Variants in AGAP5 observed in about 807,000 individuals in gnomAD.
The protein encoded by AGAP5 is arf-GAP with GTPase, ANK repeat and PH domain-containing protein 5.
In AGAP5, 8 loss-of-function variants were observed where a neutral mutation model predicts 27.7. The observed-to-expected ratio is 0.29, with a 90% CI of 0.17 to 0.52. AGAP5 has a LOEUF of 0.52. Among genes scored for constraint, AGAP5 ranks in the 20% least tolerant of loss-of-function variants. AGAP5 has a pLI of 0.97. For synonymous variants in AGAP5, 111 were observed against 338.0 expected (o/e 0.33, Z 7.37); for missense variants, 285 against 880.8 (o/e 0.32, Z 8.56).
At chr10:73,696,254 G>C (rs1189269227) in intron 2 of AGAP5, among the ~76,000 whole-genome samples, 4 of 152,112 alleles carry the variant, frequency 2.6e-5, no homozygotes, top group Non-Finnish European at 5.9e-5. Context: ...CTGACCTCAG[G>C]TGATCTGCCT....
intron 4 of AGAP5, among the ~76,000 whole-genome samples, chr10:73,686,490 G>T (rs1238492369): frequency 6.6e-6 from 1 of 152,182 alleles, no homozygotes; most frequent in Admixed American, 6.5e-5. Flanking sequence ...CTAGACACTG[G>T]CTTAGGCAAA....
chr10:73,686,369 C>A (rs1412885407), intron 4 of AGAP5, among the ~76,000 whole-genome samples: 1 of 152,186 alleles, frequency 6.6e-6, no homozygotes, highest in African/African-American at 2.4e-5. Context: ...GAGAATGAAA[C>A]TGGATCCTCA....
chr10:73,691,991 C>T, intron 4 of AGAP5, 52 bp downstream of exon 4: 1 of 1,404,330 alleles, frequency 7.1e-7, no homozygotes, highest in South Asian at 1.3e-5. Flanking sequence ...TCAAGAGAGA[C>T]ATCCTTTTAT....
At chr10:73,687,046 T>C (rs1589472084) in intron 4 of AGAP5, among the ~76,000 whole-genome samples, 1 of 151,822 alleles carries the variant, frequency 6.6e-6, no homozygotes, top group African/African-American at 2.4e-5. Flanking sequence ...AGGTGATGGG[T>C]GCACCTAAAT....
chr10:73,687,040 GAT>G (rs1213336701), intron 4 of AGAP5, among the ~76,000 whole-genome samples: 7 of 152,018 alleles, frequency 4.6e-5, no homozygotes, highest in African/African-American at 1.7e-4. Flanking sequence ...CTGCTCAGGT[GAT>G]GGGTGCACCT....
intron 5 of AGAP5, among the ~76,000 whole-genome samples, chr10:73,680,678 C>T (rs1389269941): frequency 6.9e-6 from 1 of 143,950 alleles, no homozygotes; most frequent in Non-Finnish European, 1.5e-5. Context: ...ACCTCTGCCT[C>T]CCGGGTTCAA....
chr10:73,689,615 A>T (rs2082097216), intron 4 of AGAP5, among the ~76,000 whole-genome samples: 1 of 148,560 alleles, frequency 6.7e-6, no homozygotes, highest in South Asian at 2.2e-4. Flanking sequence ...ATCATCTGAG[A>T]TGTGGGGAGC....
chr10:73,677,402 T>G (rs1162316875), intron 6 of AGAP5, among the ~76,000 whole-genome samples: 1 of 74,128 alleles, frequency 1.3e-5, no homozygotes, highest in Non-Finnish European at 3.1e-5. Context: ...TTTTTTTTTT[T>G]GAGACCAAGT....
chr10:73,688,429 C>G (rs2082082447), intron 4 of AGAP5, among the ~76,000 whole-genome samples: 1 of 151,634 alleles, frequency 6.6e-6, no homozygotes, highest in African/African-American at 2.4e-5. Context: ...GACCACCACA[C>G]ATTGGAGGGA....
chr10:73,694,610 A>T, intron 3 of AGAP5, 126 bp downstream of exon 3: 1 of 1,548,772 alleles, frequency 6.5e-7, no homozygotes, highest in Non-Finnish European at 8.7e-7. Flanking sequence ...TATTAAAATA[A>T]GACAAGTGAA....
chr10:73,679,408 C>T (rs1272357469), intron 6 of AGAP5, among the ~76,000 whole-genome samples: 6 of 152,038 alleles, frequency 3.9e-5, no homozygotes, highest in African/African-American at 1.4e-4. Context: ...GTGATCCGCC[C>T]GCCTCAGCCT....
intron 4 of AGAP5, among the ~76,000 whole-genome samples, chr10:73,688,684 A>G (rs1287813641): frequency 6.6e-6 from 1 of 152,130 alleles, no homozygotes; most frequent in Non-Finnish European, 1.5e-5. Flanking sequence ...TAGCATCTGA[A>G]TAACAAGACT....
At chr10:73,679,455 C>T (rs1424920860) in intron 6 of AGAP5, among the ~76,000 whole-genome samples, 93 of 152,154 alleles carry the variant, frequency 6.1e-4, no homozygotes, top group African/African-American at 2.1e-3. Flanking sequence ...AGCCACTGTG[C>T]CCAGCCTCAT....
intron 6 of AGAP5, among the ~76,000 whole-genome samples, chr10:73,677,621 G>C (rs927331796): frequency 6.6e-6 from 1 of 151,724 alleles, no homozygotes; most frequent in Admixed American, 6.6e-5. Context: ...CCTAACCTCA[G>C]GCGATCCACT....
chr10:73,694,946 G>C, intron 2 of AGAP5, 142 bp from the exon 3 acceptor site: 2 of 1,428,162 alleles, frequency 1.4e-6, no homozygotes, highest in Non-Finnish European at 1.9e-6. Flanking sequence ...ATAGACATAA[G>C]ATAGAGCCAG....
At chr10:73,695,666 G>A (rs535166447) in intron 2 of AGAP5, among the ~76,000 whole-genome samples, 1 of 152,198 alleles carries the variant, frequency 6.6e-6, no homozygotes, top group East Asian at 1.9e-4. Context: ...AAGTTACAAA[G>A]TCACACTCAT....
chr10:73,690,655 A>G (rs2082110362), intron 4 of AGAP5, among the ~76,000 whole-genome samples: 1 of 152,090 alleles, frequency 6.6e-6, no homozygotes, highest in Non-Finnish European at 1.5e-5. Context: ...CTTCAGAACC[A>G]TAAAATTTAG....
intron 4 of AGAP5, among the ~76,000 whole-genome samples, chr10:73,690,624 AAG>A (rs1554962653): frequency 1.3e-5 from 2 of 151,444 alleles, no homozygotes; most frequent in Middle Eastern, 3.2e-3. Context: ...AAAAAAAAAA[AAG>A]AGCACAACTG....
chr10:73,692,089 A>G lies in AGAP5; in HGVS notation c.362-12T>C, dbSNP rs1356486874. 6.5e-7 allele frequency: 1 copy of G among 1,539,714 alleles called. No homozygotes were observed. Among genetic ancestry groups the G allele is most frequent in the Non-Finnish European group, 8.7e-7 (1 of 1,144,400 alleles). ...TCTTATTTCTACAACTAAGAATAAAAAAAAAAACTGGTCACTTCTGATACA... is the reference window on the plus strand; with the variant it reads ...TCTTATTTCTACAACTAAGAATAAAGAAAAAAACTGGTCACTTCTGATACA... On this transcript the variant is annotated splice_polypyrimidine_tract_variant and intron_variant, in intron 3 of 7. Transcript: ENST00000374094.
Sources: allele counts gnomAD v4.1 joint callset (sites outside exome capture counted in the v4.1 genomes callset), GRCh38; gene constraint gnomAD v4.1.1; transcripts MANE v1.5; gene names NCBI Gene and HGNC (gene_info 2026-07-23, HGNC 2026-07-21).